The following TRAK1 variants were observed in gnomAD, a reference collection of about 807,000 sequenced individuals.
TRAK1 encodes the protein trafficking kinesin protein 1.
In TRAK1, 33 loss-of-function variants were observed where a neutral mutation model predicts 92.1. The ratio of observed to expected loss-of-function variants is 0.36; its 90% CI spans 0.27 to 0.48. The LOEUF (loss-of-function observed/expected upper bound fraction) is 0.48. TRAK1 is among the 20% of genes least tolerant of loss of function. The pLI, the probability that TRAK1 is intolerant of heterozygous loss-of-function variation, is 0.99. For missense variants in TRAK1, 1,123 were observed against 1,257.9 expected (o/e 0.89, Z 1.62); for synonymous variants, 521 against 517.3 (o/e 1.01, Z -0.10).
chr3:42,100,747 A>G (rs1047916876), intron 1 of TRAK1, among the ~76,000 whole-genome samples: 8 of 152,158 alleles, frequency 5.3e-5, no homozygotes, highest in Non-Finnish European at 1.0e-4. Context: ...GTTCACTGCA[A>G]CCTCTGTCTA....
intron 1 of TRAK1, among the ~76,000 whole-genome samples, chr3:42,034,744 C>T (rs189054678): frequency 9.2e-5 from 14 of 152,258 alleles, no homozygotes; most frequent in Admixed American, 9.2e-4. Context: ...GTGGTGCCTC[C>T]AGCCCTCTTT....
chr3:42,133,049 A>G (rs975808901), intron 2 of TRAK1, among the ~76,000 whole-genome samples: 2 of 152,184 alleles, frequency 1.3e-5, no homozygotes, highest in Admixed American at 6.5e-5. Flanking sequence ...AGCTACTGCC[A>G]TCTCATCCCT....
At chr3:42,030,692 ATATATATATATATATATATAT>A (rs1559709837) in intron 1 of TRAK1, among the ~76,000 whole-genome samples, 2,368 of 9,578 alleles carry the variant, frequency 0.25, 187 homozygotes, top group South Asian at 0.4. Context: ...AAAAAAGAAT[ATATATATATATATATATATAT>A]ATATATATAT....
intron 2 of TRAK1, among the ~76,000 whole-genome samples, chr3:42,153,860 T>C (rs1038801690): frequency 6.6e-6 from 1 of 152,210 alleles, no homozygotes; most frequent in African/African-American, 2.4e-5. Context: ...CGCAAACAGA[T>C]CCCCATTTCT....
At chr3:42,071,530 A>C (rs1185220649) in intron 1 of TRAK1, among the ~76,000 whole-genome samples, 11 of 152,072 alleles carry the variant, frequency 7.2e-5, no homozygotes, top group Non-Finnish European at 1.2e-4. Context: ...CAACATGGTG[A>C]AATCCCGTCT....
Position 42,073,253 on chromosome 3 carries a change from C to T in TRAK1, c.-518-13851C>T, listed in dbSNP as rs535223854. 2.0e-5 allele frequency among the ~76,000 whole-genome samples: 3 copies of T among 152,304 alleles called. No homozygotes were observed. The South Asian group carries it at 6.2e-4, about 32-fold the overall frequency. On this transcript the variant is annotated intron_variant, in intron 1 of 16. Transcript: ENST00000487159. ...TGACCCTTTGTCATCTCCTTCCCTG[C>T]GCCTTTGGTTACCCTGACACTGCTC...
intron 3 of TRAK1, among the ~76,000 whole-genome samples, chr3:42,182,239 G>A (rs1160915578): frequency 6.6e-6 from 1 of 152,044 alleles, no homozygotes; most frequent in Non-Finnish European, 1.5e-5. Flanking sequence ...TCCCAGAAAG[G>A]CAAGGTCATG....
At chr3:42,169,161 TG>T (rs1289251586) in intron 2 of TRAK1, among the ~76,000 whole-genome samples, 1 of 150,460 alleles carries the variant, frequency 6.6e-6, no homozygotes, top group African/African-American at 2.5e-5. Flanking sequence ...TTTTTTTAAG[TG>T]ATCTATCTAT....
At chr3:42,113,908 G>A (rs1019155569) in intron 1 of TRAK1, among the ~76,000 whole-genome samples, 1 of 152,148 alleles carries the variant, frequency 6.6e-6, no homozygotes, top group East Asian at 1.9e-4. Context: ...TTCAAAATGT[G>A]CACCCATAAC....
chr3:42,161,742 G>GAGA (rs746275635), intron 2 of TRAK1, among the ~76,000 whole-genome samples: 8 of 152,236 alleles, frequency 5.3e-5, no homozygotes, highest in Non-Finnish European at 8.8e-5. Context: ...AAGAAACTGG[G>GAGA]AGAAGCCAGG....
intron 2 of TRAK1, among the ~76,000 whole-genome samples, chr3:42,172,585 T>C (rs1046681639): frequency 6.6e-6 from 1 of 152,038 alleles, no homozygotes; most frequent in Admixed American, 6.6e-5. Context: ...CTTCAAAAAC[T>C]CTCTAGTGGT....
intron 2 of TRAK1, chr3:42,160,451 C>T (rs745582280): frequency 1.9e-6 from 3 of 1,614,202 alleles, no homozygotes; most frequent in South Asian, 2.2e-5. Flanking sequence ...GGCAGCATGA[C>T]ACCCAGGACC....
intron 13 of TRAK1, among the ~76,000 whole-genome samples, chr3:42,208,877 A>G (rs1708638906): frequency 6.6e-6 from 1 of 152,204 alleles, no homozygotes; most frequent in Non-Finnish European, 1.5e-5. Flanking sequence ...GTTGGCAAGA[A>G]CACCGTAGCA....
In TRAK1 at chr3:42,219,553, C is replaced by T. The variant is rs757790121; in HGVS notation, c.2023C>T (p.Arg675Cys). The T allele has an allele frequency of 3.7e-6, 6 of 1,613,890 alleles. No individual in the cohort carries two copies. The highest frequency in any genetic ancestry group is 2.2e-5 in the East Asian group (1 of 44,858). Reference sequence around the variant, plus strand: ...CTCCACCTTCACCTTCACCACCTGTCGCATCCTGCATCCTTCAGATGAGCT... The same window carrying T: ...CTCCACCTTCACCTTCACCACCTGTTGCATCCTGCATCCTTCAGATGAGCT... ...TNSTFTFTTC[R>C]ILHPSDELTR... is the part of the protein sequence containing the mutation. Residue 675 changes from arginine to cysteine, a missense_variant, in exon 15 of 16, where the codon CGC becomes TGC. By Grantham distance (180) the Arg-to-Cys change is radical. This residue lies in a region of TRAK1 where 401 missense variants were observed against 438.9 expected (regional missense o/e 0.91). Transcript: ENST00000327628.
At chr3:42,221,937 T>C (rs889809010) in intron 15 of TRAK1, 7 of 150,796 alleles carry the variant, frequency 4.6e-5, no homozygotes, top group African/African-American at 1.7e-4. Flanking sequence ...AGAGGCAGCA[T>C]TGGCAATTTT....
intron 1 of TRAK1, among the ~76,000 whole-genome samples, chr3:42,015,178 G>C (rs879268520): frequency 1.2e-4 from 18 of 152,170 alleles, no homozygotes; most frequent in Non-Finnish European, 1.8e-4. Context: ...TCTCGGTTTG[G>C]AATGGTCATA....
intron 1 of TRAK1, 70 bp downstream of exon 1, chr3:42,091,630 A>G (rs995500713): frequency 6.8e-7 from 1 of 1,459,900 alleles, no homozygotes; most frequent in Non-Finnish European, 9.4e-7. Context: ...AGAAAAGACC[A>G]CAGGAGAAGC....
chr3:42,115,166 T>G (rs535205162), intron 1 of TRAK1, among the ~76,000 whole-genome samples: 2 of 152,256 alleles, frequency 1.3e-5, no homozygotes, highest in African/African-American at 2.4e-5. Context: ...TTATACACGT[T>G]AACTTTCACG....
At chr3:42,125,763 A>G (rs1204759175) in intron 2 of TRAK1, 149 bp downstream of exon 2, 1 of 837,824 alleles carries the variant, frequency 1.2e-6, no homozygotes, top group African/African-American at 1.7e-5. Context: ...GTAGGGGTTA[A>G]CCGCACAAAA....
Sources: gnomAD v4.1 joint callset for allele counts (sites outside exome capture counted in the v4.1 genomes callset) on GRCh38, gnomAD v4.1.1 for gene constraint, gnomAD v4.1.1 regional missense constraint, MANE v1.5 for transcripts, NCBI Gene and HGNC (gene_info 2026-07-23, HGNC 2026-07-21) for gene names.